Variants in ANKS1B observed in about 807,000 individuals in gnomAD.
ANKS1B encodes ankyrin repeat and sterile alpha motif domain-containing protein 1B.
Under a neutral mutation model 148.3 loss-of-function variants are expected in ANKS1B, and 36 were observed. The observed-to-expected ratio is 0.24, with a 90% CI of 0.19 to 0.32. ANKS1B has a LOEUF of 0.32. Ranked by LOEUF, ANKS1B falls within the 10% of genes least tolerant of loss-of-function variation. The probability of loss-of-function intolerance (pLI) is 1.00; values close to 1 mark genes in which losing one functional copy is unlikely to be tolerated. For missense variants in ANKS1B, 1,157 were observed against 1,542.6 expected (o/e 0.75, Z 4.19); for synonymous variants, 542 against 560.8 (o/e 0.97, Z 0.47).
chr12:99,678,321 G>T (rs2098593730), intron 8 of ANKS1B, among the ~76,000 whole-genome samples: 1 of 152,104 alleles, frequency 6.6e-6, no homozygotes, highest in South Asian at 2.1e-4. Context: ...CTAAGTCCCT[G>T]GTGTGGCTAC....
rs2094957543 is a variant in ANKS1B, at chr12:99,942,981, T to A, written c.134+41123A>T. Among the ~76,000 whole-genome samples, 2 of 152,128 alleles carry A rather than the reference T, an allele frequency of 1.3e-5. 1 individual carries two copies. The highest frequency in any genetic ancestry group is 4.8e-5 in the African/African-American group (2 of 41,434). On this transcript the variant is annotated intron_variant, in intron 1 of 26. Coordinates refer to ENST00000683438, the MANE Select transcript of ANKS1B (RefSeq NM_001352186.2). Reference sequence around the variant, plus strand: ...GACCACACAACCTAAGTTGGTCCTATCAGAATGAAACCTGGGACTTTGATT... The same window carrying A: ...GACCACACAACCTAAGTTGGTCCTAACAGAATGAAACCTGGGACTTTGATT...
chr12:98,868,658 T>C (rs886797822), intron 17 of ANKS1B, among the ~76,000 whole-genome samples: 7 of 152,254 alleles, frequency 4.6e-5, no homozygotes, highest in Non-Finnish European at 1.0e-4. Context: ...CTGGGTCGAG[T>C]TGAAATCACC....
chr12:98,850,230 C>G (rs1378820215), intron 17 of ANKS1B, among the ~76,000 whole-genome samples: 1 of 152,160 alleles, frequency 6.6e-6, no homozygotes, highest in South Asian at 2.1e-4. Flanking sequence ...AAAAGAGCTT[C>G]TTGTTGCCGT....
At position 99,013,951 on chromosome 12, in the gene ANKS1B, T is replaced by C. The variant is rs1238493361; in HGVS notation, c.2778+39206A>G. On this transcript the variant is annotated intron_variant, in intron 17 of 26. Transcript: ENST00000683438. ...AAAGTGGCCATACTGTCCAAAGCAA[T>C]TTATAGACTCAATACTATTCCTATC... 2.0e-5 allele frequency among the ~76,000 whole-genome samples: 3 copies of C among 152,120 alleles called. No individual in the cohort carries two copies. The East Asian group carries it at 5.8e-4, about 29-fold the overall frequency.
intron 1 of ANKS1B, among the ~76,000 whole-genome samples, chr12:99,968,514 T>C (rs538834419): frequency 6.6e-5 from 10 of 152,190 alleles, no homozygotes; most frequent in Admixed American, 5.2e-4. Flanking sequence ...GCCAAGATCG[T>C]GCCACTGCAC....
At chr12:99,016,957 G>C (rs1214604686) in intron 17 of ANKS1B, among the ~76,000 whole-genome samples, 1 of 152,128 alleles carries the variant, frequency 6.6e-6, no homozygotes, top group African/African-American at 2.4e-5. Context: ...AAAGTTCCAT[G>C]TCCAGGAATC....
chr12:99,845,058 GCTAA>G (rs1673458570), intron 1 of ANKS1B, among the ~76,000 whole-genome samples: 2 of 152,138 alleles, frequency 1.3e-5, no homozygotes, highest in South Asian at 4.1e-4. Context: ...GTATAGGAAT[GCTAA>G]CTATTTTTGC....
At chr12:98,993,564 AG>A (rs142211841) in intron 17 of ANKS1B, among the ~76,000 whole-genome samples, 7,368 of 152,276 alleles carry the variant, frequency 0.048, 365 homozygotes, top group African/African-American at 0.12. Context: ...CAGCCATCAA[AG>A]GCTTTTCTTA....
chr12:99,498,983 A>G (rs78266883), intron 10 of ANKS1B, among the ~76,000 whole-genome samples: 3,441 of 152,276 alleles, frequency 0.023, 132 homozygotes, highest in African/African-American at 0.08. Flanking sequence ...TGGAAGTAAT[A>G]GGATTGATGC....
At chr12:99,532,721 G>A (rs984216887) in intron 9 of ANKS1B, among the ~76,000 whole-genome samples, 2 of 152,126 alleles carry the variant, frequency 1.3e-5, no homozygotes, top group Non-Finnish European at 2.9e-5. Context: ...TAGGAATCCA[G>A]TTTTCATTCT....
At chr12:99,091,201 A>G (rs193246283) in intron 15 of ANKS1B, among the ~76,000 whole-genome samples, 2 of 152,242 alleles carry the variant, frequency 1.3e-5, no homozygotes, top group East Asian at 3.9e-4. Flanking sequence ...TCTTAAGGTT[A>G]AGATATAGTT....
chr12:99,429,070 C>T (rs2651210), intron 11 of ANKS1B, among the ~76,000 whole-genome samples: 152,331 of 152,336 alleles, frequency 1, 76,163 homozygotes, highest in Middle Eastern at 1. Context: ...GTAAATTGAA[C>T]GTTTTGTGAG....
chr12:99,149,081 C>A (rs1253442762), intron 15 of ANKS1B, among the ~76,000 whole-genome samples: 1 of 151,892 alleles, frequency 6.6e-6, no homozygotes, highest in East Asian at 1.9e-4. Context: ...AGGGGGGTGA[C>A]TAATCTCACC....
At chr12:99,468,194 T>G (rs929057891) in intron 10 of ANKS1B, among the ~76,000 whole-genome samples, 3 of 152,070 alleles carry the variant, frequency 2.0e-5, no homozygotes, top group African/African-American at 7.2e-5. Flanking sequence ...GGGGAAAGGA[T>G]TCCCTATTTA....
chr12:99,208,666 T>C (rs1230948407), intron 14 of ANKS1B, among the ~76,000 whole-genome samples: 1 of 152,182 alleles, frequency 6.6e-6, no homozygotes, highest in African/African-American at 2.4e-5. Flanking sequence ...TCCAGAACTC[T>C]GGTGAAGAAA....
At chr12:99,318,135 T>G (rs2084510124) in intron 12 of ANKS1B, among the ~76,000 whole-genome samples, 1 of 152,190 alleles carries the variant, frequency 6.6e-6, no homozygotes, top group Non-Finnish European at 1.5e-5. Flanking sequence ...TCTTTTATTG[T>G]TGTGTCTCTG....
At chr12:99,507,951 T>C (rs2153018953) in intron 9 of ANKS1B, among the ~76,000 whole-genome samples, 1 of 152,012 alleles carries the variant, frequency 6.6e-6, no homozygotes, top group East Asian at 1.9e-4. Flanking sequence ...TTTCCTCCTC[T>C]ACCAGGGCTA....
At chr12:99,026,381 A>C (rs1013272520) in intron 17 of ANKS1B, among the ~76,000 whole-genome samples, 1 of 152,156 alleles carries the variant, frequency 6.6e-6, no homozygotes, top group African/African-American at 2.4e-5. Context: ...GAGTTTCTCT[A>C]GGTTCTAGAC....
At chr12:99,458,080 T>C (rs950132502) in intron 10 of ANKS1B, among the ~76,000 whole-genome samples, 1 of 152,050 alleles carries the variant, frequency 6.6e-6, no homozygotes, top group Non-Finnish European at 1.5e-5. Flanking sequence ...AAGTACTCTC[T>C]CAGAGCACAG....
Sources: gnomAD v4.1 joint callset for allele counts (sites outside exome capture counted in the v4.1 genomes callset) on GRCh38, gnomAD v4.1.1 for gene constraint, MANE v1.5 for transcripts, NCBI Gene and HGNC (gene_info 2026-07-23, HGNC 2026-07-21) for gene names.